GRM8: variants seen among roughly 807,000 people sequenced by gnomAD.
GRM8 encodes the protein metabotropic glutamate receptor 8.
Under a neutral mutation model 87.2 loss-of-function variants are expected in GRM8, and 47 were observed. The observed-to-expected ratio is 0.54, with a 90% CI of 0.43 to 0.69. GRM8 has a LOEUF of 0.69. Among genes scored for constraint, GRM8 ranks in the 30% least tolerant of loss-of-function variants. The pLI is 0.00. For synonymous variants in GRM8, 396 were observed against 404.5 expected (o/e 0.98, Z 0.25); for missense variants, 1,019 against 1,139.2 (o/e 0.89, Z 1.52).
intron 7 of GRM8, among the ~76,000 whole-genome samples, chr7:126,662,114 G>GTTTGT (rs1414442864): frequency 1.3e-5 from 2 of 152,102 alleles, no homozygotes; most frequent in African/African-American, 4.8e-5. Flanking sequence ...GGTTCTTCAA[G>GTTTGT]TTTGTTTTGT....
At chr7:126,824,788 A>C (rs1403407755) in intron 6 of GRM8, among the ~76,000 whole-genome samples, 2 of 152,244 alleles carry the variant, frequency 1.3e-5, no homozygotes, top group Non-Finnish European at 2.9e-5. Context: ...GTTAGTGACT[A>C]ATAAATTTTT....
intron 6 of GRM8, among the ~76,000 whole-genome samples, chr7:126,795,609 C>G (rs1485145061): frequency 7.2e-5 from 11 of 152,038 alleles, no homozygotes; most frequent in Admixed American, 7.2e-4. Flanking sequence ...GAGTAACAAC[C>G]ACCTCTCTCA....
At chr7:126,715,839 C>G (rs1267558161) in intron 7 of GRM8, among the ~76,000 whole-genome samples, 1 of 152,052 alleles carries the variant, frequency 6.6e-6, no homozygotes, top group Non-Finnish European at 1.5e-5. Flanking sequence ...TTTCAAATAC[C>G]CTTTCTATCA....
At chr7:126,493,016 G>T (rs1295568144) in intron 9 of GRM8, among the ~76,000 whole-genome samples, 1 of 152,022 alleles carries the variant, frequency 6.6e-6, no homozygotes, top group Admixed American at 6.6e-5. Context: ...TTTGTGTATT[G>T]ATTTTGTTGG....
chr7:126,818,817 G>T (rs1475177876), intron 6 of GRM8, among the ~76,000 whole-genome samples: 1 of 152,158 alleles, frequency 6.6e-6, no homozygotes, highest in Non-Finnish European at 1.5e-5. Context: ...TAAGGTGAAT[G>T]ACTCATTGCC....
intron 6 of GRM8, among the ~76,000 whole-genome samples, chr7:126,842,718 T>C (rs1796389290): frequency 6.6e-6 from 1 of 152,178 alleles, no homozygotes; most frequent in Non-Finnish European, 1.5e-5. Flanking sequence ...TGGTCATTGC[T>C]GGCTTTGAAG....
intron 7 of GRM8, among the ~76,000 whole-genome samples, chr7:126,746,718 A>G (rs1815730867): frequency 6.6e-6 from 1 of 151,674 alleles, no homozygotes; most frequent in South Asian, 2.1e-4. Flanking sequence ...CCTTTTGCCT[A>G]CACTACCAAA....
At chr7:127,189,943 A>C (rs1240238880) in intron 2 of GRM8, among the ~76,000 whole-genome samples, 4 of 152,236 alleles carry the variant, frequency 2.6e-5, no homozygotes, top group Non-Finnish European at 1.5e-5. Flanking sequence ...ATAGTACTGC[A>C]TAACAAAGAG....
chr7:126,521,651 G>A (rs558102264), intron 9 of GRM8, among the ~76,000 whole-genome samples: 2 of 151,528 alleles, frequency 1.3e-5, no homozygotes, highest in South Asian at 4.2e-4. Context: ...ACTGAGTTGT[G>A]GTAAAGAAAA....
chr7:127,010,594 T>C (rs1393063969), intron 3 of GRM8, among the ~76,000 whole-genome samples: 3 of 152,174 alleles, frequency 2.0e-5, no homozygotes, highest in African/African-American at 7.2e-5. Flanking sequence ...TGTTTAATTC[T>C]AAATGATGTA....
intron 9 of GRM8, among the ~76,000 whole-genome samples, chr7:126,504,593 C>A (rs1313708575): frequency 6.6e-6 from 1 of 151,896 alleles, no homozygotes; most frequent in Non-Finnish European, 1.5e-5. Flanking sequence ...CTACCAAACC[C>A]CCATGACACA....
intron 2 of GRM8, among the ~76,000 whole-genome samples, chr7:127,211,647 C>T (rs1796215718): frequency 6.6e-6 from 1 of 152,198 alleles, no homozygotes; most frequent in Non-Finnish European, 1.5e-5. Flanking sequence ...GCCCCACCTT[C>T]ATGGCTGGGA....
intron 3 of GRM8, among the ~76,000 whole-genome samples, chr7:126,910,917 GAA>G (rs985325126): frequency 2.6e-5 from 4 of 152,102 alleles, no homozygotes; most frequent in African/African-American, 9.7e-5. Flanking sequence ...ACATAATCTT[GAA>G]AAGTCTCTCA....
chr7:126,904,190 A>G (rs1563301774), intron 4 of GRM8, 64 bp from the exon 5 acceptor site: 1 of 1,341,852 alleles, frequency 7.5e-7, no homozygotes, highest in Non-Finnish European at 1.1e-6. Context: ...TATGAATATT[A>G]CAAGACCAGA....
chr7:126,620,632 C>T (rs1800048768), intron 7 of GRM8, among the ~76,000 whole-genome samples: 1 of 151,928 alleles, frequency 6.6e-6, no homozygotes, highest in South Asian at 2.1e-4. Flanking sequence ...AGTAAGTTAC[C>T]CTCCTTAAGC....
intron 9 of GRM8, among the ~76,000 whole-genome samples, chr7:126,456,243 A>C (rs1803209676): frequency 6.6e-6 from 1 of 151,478 alleles, no homozygotes; most frequent in Non-Finnish European, 1.5e-5. Flanking sequence ...CCTAGTAAGG[A>C]AAAAGAAAGC....
intron 7 of GRM8, among the ~76,000 whole-genome samples, chr7:126,684,910 C>T (rs187912455): frequency 6.6e-6 from 1 of 152,200 alleles, no homozygotes; most frequent in Non-Finnish European, 1.5e-5. Context: ...GCACTAGCAT[C>T]TGGCCTAATG....
intron 2 of GRM8, among the ~76,000 whole-genome samples, chr7:127,150,715 T>G (rs888975429): frequency 4.6e-5 from 7 of 152,130 alleles, no homozygotes; most frequent in African/African-American, 1.7e-4. Context: ...CTCCCAGTTC[T>G]GTCCTCAACC....
chr7:126,892,964 T>C (rs1232075230), intron 6 of GRM8, among the ~76,000 whole-genome samples: 1 of 152,006 alleles, frequency 6.6e-6, no homozygotes. Flanking sequence ...CAAACAAATT[T>C]ACAAGAAAAA....
Sources: gnomAD v4.1 joint callset for allele counts (sites outside exome capture counted in the v4.1 genomes callset) on GRCh38, gnomAD v4.1.1 for gene constraint, MANE v1.5 for transcripts, NCBI Gene and HGNC (gene_info 2026-07-23, HGNC 2026-07-21) for gene names.